The following KAZN variants were observed in gnomAD, a reference collection of about 807,000 sequenced individuals.
KAZN encodes the protein kazrin, periplakin interacting protein.
In KAZN, 40 loss-of-function variants were observed where a neutral mutation model predicts 87.4. The observed-to-expected ratio is 0.46, with a 90% confidence interval of 0.36 to 0.60. The LOEUF is 0.60. KAZN is among the 20% of genes least tolerant of loss of function. The pLI, the probability that KAZN is intolerant of heterozygous loss-of-function variation, is 0.00. For synonymous variants in KAZN, 466 were observed against 458.3 expected, an observed-to-expected ratio of 1.02 and a Z score of -0.22; for missense variants, 898 against 1,073.9, an observed-to-expected ratio of 0.84 and a Z score of 2.29.
intron 1 of KAZN, among the ~76,000 whole-genome samples, chr1:14,704,518 T>C (rs550314048): frequency 8.2e-4 from 125 of 152,326 alleles, no homozygotes; most frequent in African/African-American, 2.9e-3. Flanking sequence ...ACTCACACCT[T>C]GTAGGAAGCT....
chr1:15,022,031 C>T (rs897797368), intron 2 of KAZN, among the ~76,000 whole-genome samples: 3 of 152,140 alleles, frequency 2.0e-5, no homozygotes, highest in African/African-American at 7.2e-5. Context: ...GGGAAAACTG[C>T]CCCCAGGATT....
At chr1:13,957,208 T>G (rs2101013668) in intron 1 of KAZN, among the ~76,000 whole-genome samples, 1 of 152,208 alleles carries the variant, frequency 6.6e-6, no homozygotes. Flanking sequence ...AGGAGTCAGG[T>G]GGCCTCCCCA....
At chr1:15,053,270 G>A (rs549480844) in intron 4 of KAZN, among the ~76,000 whole-genome samples, 52 of 152,332 alleles carry the variant, frequency 3.4e-4, no homozygotes, top group East Asian at 2.9e-3. Flanking sequence ...CCACCGACTC[G>A]CCTGGGCTGG....
intron 2 of KAZN, among the ~76,000 whole-genome samples, chr1:14,976,682 C>T (rs1183127883): frequency 1.3e-5 from 2 of 152,204 alleles, no homozygotes; most frequent in African/African-American, 4.8e-5. Context: ...ACCAGATGGG[C>T]ATTGGCCGTC....
intron 1 of KAZN, among the ~76,000 whole-genome samples, chr1:13,997,571 A>T (rs1639581795): frequency 6.6e-6 from 1 of 151,914 alleles, no homozygotes; most frequent in Admixed American, 6.6e-5. Flanking sequence ...TTTGTGAAGG[A>T]TACACAAGTA....
At chr1:14,521,381 G>A (rs1005139614) in intron 2 of KAZN, among the ~76,000 whole-genome samples, 1 of 152,184 alleles carries the variant, frequency 6.6e-6, no homozygotes, top group Non-Finnish European at 1.5e-5. Flanking sequence ...AATGGCTCAT[G>A]TGTGTCCACC....
intron 1 of KAZN, among the ~76,000 whole-genome samples, chr1:14,141,845 TATTAC>T (rs1475744795): frequency 2.0e-5 from 3 of 152,234 alleles, no homozygotes; most frequent in Admixed American, 2.0e-4. Context: ...TTTTGTTTGT[TATTAC>T]TGCATGTTCC....
chr1:14,178,961 A>G (rs1161289741), intron 1 of KAZN, among the ~76,000 whole-genome samples: 1 of 152,130 alleles, frequency 6.6e-6, no homozygotes, highest in African/African-American at 2.4e-5. Flanking sequence ...TGGAGTCTCT[A>G]ATGAATGTGT....
chr1:14,419,905 AT>A (rs1414247475), intron 2 of KAZN, among the ~76,000 whole-genome samples: 1 of 152,120 alleles, frequency 6.6e-6, no homozygotes, highest in East Asian at 1.9e-4. Context: ...GCGAGCAACA[AT>A]GGGATTTATT....
rs1650107846 is a variant in KAZN at position 14,856,384 on chromosome 1, C to T, written c.227-104300C>T. 6.6e-6 allele frequency among the ~76,000 whole-genome samples: 1 copy of T among 152,120 alleles called. No individual in the cohort carries two copies. The highest frequency in any genetic ancestry group is 2.1e-4 in the South Asian group (1 of 4,818). ...TTTAAAGACAAGTGAAGATTCAATG[C>T]TAAGGAATTTTGAAGAAGGAGGCAA... On this transcript the variant is annotated intron_variant, in intron 1 of 14. Transcript: ENST00000376030. The surrounding 1 kb of genome is among the most constrained non-coding windows in gnomAD (Gnocchi z 5.2).
chr1:15,016,871 A>G (rs912299884), intron 2 of KAZN, among the ~76,000 whole-genome samples: 5 of 152,192 alleles, frequency 3.3e-5, no homozygotes, highest in Non-Finnish European at 5.9e-5. Context: ...CCGGCGGCCC[A>G]GGATTCTGTT....
At chr1:14,637,922 T>G (rs1274573958) in intron 1 of KAZN, among the ~76,000 whole-genome samples, 3 of 152,098 alleles carry the variant, frequency 2.0e-5, no homozygotes, top group African/African-American at 7.2e-5. Context: ...CCAGCAGGGT[T>G]GGCTCATTCT....
intron 2 of KAZN, among the ~76,000 whole-genome samples, chr1:15,018,309 G>A (rs1008220750): frequency 1.3e-5 from 2 of 151,980 alleles, no homozygotes; most frequent in Non-Finnish European, 2.9e-5. Context: ...ATTTTATAGA[G>A]GTCTTAATTA....
chr1:14,054,558 C>G (rs555588341), intron 1 of KAZN, among the ~76,000 whole-genome samples: 1 of 152,218 alleles, frequency 6.6e-6, no homozygotes, highest in African/African-American at 2.4e-5. Context: ...AATTCTGGAA[C>G]CACAAGGATA....
chr1:14,119,200 G>A (rs1644697689), intron 1 of KAZN, among the ~76,000 whole-genome samples: 1 of 152,156 alleles, frequency 6.6e-6, no homozygotes, highest in African/African-American at 2.4e-5. Context: ...TTTTCACGAT[G>A]AGAAGACCAG....
intron 1 of KAZN, among the ~76,000 whole-genome samples, chr1:14,789,616 G>A (rs1377156003): frequency 6.6e-6 from 1 of 151,866 alleles, no homozygotes; most frequent in Admixed American, 6.6e-5. Context: ...GATGGGACCT[G>A]GTCCCCCTTT....
intron 2 of KAZN, among the ~76,000 whole-genome samples, chr1:14,553,172 C>T (rs992993385): frequency 5.3e-5 from 8 of 152,110 alleles, no homozygotes; most frequent in African/African-American, 1.9e-4. Context: ...GCCAGGAATT[C>T]GAGACCAGCC....
chr1:14,193,102 C>T (rs888615756), intron 2 of KAZN, among the ~76,000 whole-genome samples: 1 of 152,160 alleles, frequency 6.6e-6, no homozygotes, highest in Non-Finnish European at 1.5e-5. Context: ...ATAAGGCGTT[C>T]TTCCCCCTGT....
At chr1:14,861,001 G>C (rs745327106) in intron 1 of KAZN, among the ~76,000 whole-genome samples, 6 of 152,162 alleles carry the variant, frequency 3.9e-5, no homozygotes, top group African/African-American at 1.4e-4. Context: ...TGTGAAGGAA[G>C]GGAAAGAGAG....
Sources: gnomAD v4.1 joint callset for allele counts (sites outside exome capture counted in the v4.1 genomes callset) on GRCh38, gnomAD v4.1.1 for gene constraint, Gnocchi (gnomAD v3.1) non-coding constraint, MANE v1.5 for transcripts, NCBI Gene and HGNC (gene_info 2026-07-23, HGNC 2026-07-21) for gene names.